Variants in FHIT observed in about 807,000 individuals in gnomAD.
The protein encoded by FHIT is fragile histidine triad diadenosine triphosphatase.
Under a neutral mutation model 17.9 loss-of-function variants are expected in FHIT, and 19 were observed. That is an observed-to-expected ratio of 1.06 (90% CI 0.74 to 1.56). The LOEUF (loss-of-function observed/expected upper bound fraction) is 1.56. Ranked by LOEUF, FHIT falls within the 40% of genes most tolerant of loss-of-function variation. The pLI, the probability that FHIT is intolerant of heterozygous loss-of-function variation, is 0.00. For missense variants in FHIT, 248 were observed against 189.2 expected (o/e 1.31, Z -1.82); for synonymous variants, 81 against 69.7 (o/e 1.16, Z -0.81).
intron 5 of FHIT, among the ~76,000 whole-genome samples, chr3:60,333,572 T>C (rs1026786860): frequency 3.3e-5 from 5 of 151,914 alleles, no homozygotes; most frequent in African/African-American, 1.2e-4. Context: ...AAAGAAAAAA[T>C]ATAATTAAGA....
At chr3:60,903,915 G>A (rs1235059563) in intron 3 of FHIT, among the ~76,000 whole-genome samples, 2 of 152,150 alleles carry the variant, frequency 1.3e-5, no homozygotes, top group Non-Finnish European at 2.9e-5. Flanking sequence ...ATCAAGAAAG[G>A]AGACTCCACA....
At chr3:61,162,828 T>G (rs2037735888) in intron 2 of FHIT, among the ~76,000 whole-genome samples, 1 of 152,230 alleles carries the variant, frequency 6.6e-6, no homozygotes, top group Non-Finnish European at 1.5e-5. Flanking sequence ...AAACCAGTTT[T>G]GCCCTCCATT....
intron 4 of FHIT, among the ~76,000 whole-genome samples, chr3:60,562,337 G>C (rs901598952): frequency 6.6e-6 from 1 of 152,148 alleles, no homozygotes; most frequent in Non-Finnish European, 1.5e-5. Flanking sequence ...AGTTAGGAGA[G>C]CTGGAAAAAC....
At chr3:60,420,704 T>C (rs1344821975) in intron 5 of FHIT, among the ~76,000 whole-genome samples, 1 of 152,156 alleles carries the variant, frequency 6.6e-6, no homozygotes, top group East Asian at 1.9e-4. Context: ...TTCATGTGGT[T>C]CACTTTCAAA....
intron 2 of FHIT, among the ~76,000 whole-genome samples, chr3:61,200,113 G>C (rs2038969251): frequency 6.6e-6 from 1 of 152,172 alleles, no homozygotes; most frequent in Non-Finnish European, 1.5e-5. Context: ...CAGAGTGACT[G>C]GGTGGAATGA....
intron 4 of FHIT, among the ~76,000 whole-genome samples, chr3:60,793,040 A>G (rs1468264614): frequency 1.3e-5 from 2 of 152,156 alleles, no homozygotes; most frequent in Non-Finnish European, 2.9e-5. Context: ...GTCAGGTTTT[A>G]AAAAAGATTC....
intron 4 of FHIT, among the ~76,000 whole-genome samples, chr3:60,744,811 A>G (rs1216875776): frequency 1.3e-5 from 2 of 152,226 alleles, no homozygotes; most frequent in Non-Finnish European, 2.9e-5. Context: ...GGTAAGGCCC[A>G]TCTTCTGATT....
intron 5 of FHIT, among the ~76,000 whole-genome samples, chr3:60,442,229 G>A (rs1221030536): frequency 6.6e-6 from 1 of 151,910 alleles, no homozygotes; most frequent in Non-Finnish European, 1.5e-5. Context: ...ATGCCTAATT[G>A]TTTTGCCACA....
chr3:60,191,614 G>A (rs1702407592), intron 5 of FHIT, among the ~76,000 whole-genome samples: 1 of 152,106 alleles, frequency 6.6e-6, no homozygotes. Context: ...TTTTTTATAT[G>A]ACATTGCAAA....
intron 5 of FHIT, among the ~76,000 whole-genome samples, chr3:60,021,900 C>T (rs1446447276): frequency 6.6e-6 from 1 of 152,128 alleles, no homozygotes; most frequent in African/African-American, 2.4e-5. Context: ...AGAAAAAAAA[C>T]TGTGCGGTCA....
At chr3:60,865,770 CAA>C (rs1704132407) in intron 3 of FHIT, among the ~76,000 whole-genome samples, 1 of 152,048 alleles carries the variant, frequency 6.6e-6, no homozygotes, top group African/African-American at 2.4e-5. Context: ...AAGGCTGAAG[CAA>C]AGAGAGGGCA....
At chr3:60,265,930 G>A (rs1367479516) in intron 5 of FHIT, among the ~76,000 whole-genome samples, 3 of 151,644 alleles carry the variant, frequency 2.0e-5, no homozygotes, top group African/African-American at 4.8e-5. Flanking sequence ...AATAATGATG[G>A]GGAAAAATCA....
chr3:59,972,348 T>C (rs977246065), intron 7 of FHIT, among the ~76,000 whole-genome samples: 3 of 152,104 alleles, frequency 2.0e-5, no homozygotes, highest in African/African-American at 4.8e-5. Flanking sequence ...GTGTCTCTCA[T>C]GAAGAACTGG....
intron 5 of FHIT, among the ~76,000 whole-genome samples, chr3:60,105,396 A>G (rs1317086133): frequency 1.3e-5 from 2 of 152,222 alleles, no homozygotes; most frequent in Non-Finnish European, 2.9e-5. Context: ...ATGCCAACAA[A>G]GAACAGAATG....
intron 5 of FHIT, among the ~76,000 whole-genome samples, chr3:60,066,410 AT>A (rs1269594186): frequency 6.6e-6 from 1 of 152,080 alleles, no homozygotes; most frequent in East Asian, 1.9e-4. Flanking sequence ...TGTTCTGCTA[AT>A]TAGAGCACTT....
At chr3:60,821,888 T>G (rs1193819237) in intron 4 of FHIT, 31 bp downstream of exon 4, 1 of 151,852 alleles carries the variant, frequency 6.6e-6, no homozygotes, top group Admixed American at 6.6e-5. Context: ...TCAAACTCTT[T>G]GAAAAAAAAA....
intron 3 of FHIT, among the ~76,000 whole-genome samples, chr3:60,827,276 A>C (rs1281730059): frequency 2.0e-5 from 3 of 152,174 alleles, no homozygotes; most frequent in Admixed American, 2.0e-4. Flanking sequence ...CAAACCTTCA[A>C]AGAAAAATCT....
chr3:60,951,937 G>T lies in FHIT; in HGVS notation c.-111+90110C>A, dbSNP rs142167563. Among the ~76,000 whole-genome samples the T allele has an allele frequency of 1.2e-3, 177 of 152,228 alleles. 1 individual carries two copies. The East Asian group carries it at 0.032, about 27-fold the overall frequency. ...TCCCAGCACTTTGGGAGGCCAAGGCGAGTGGATCACCTGAGGTCAGGAGTT... is the reference window on the plus strand; with the variant it reads ...TCCCAGCACTTTGGGAGGCCAAGGCTAGTGGATCACCTGAGGTCAGGAGTT... On this transcript the variant is annotated intron_variant, in intron 3 of 9. Transcript: ENST00000492590.
chr3:60,992,999 C>T (rs115320396), intron 3 of FHIT, among the ~76,000 whole-genome samples: 5,923 of 152,224 alleles, frequency 0.039, 171 homozygotes, highest in Middle Eastern at 0.071. Flanking sequence ...TAAGTCCCAT[C>T]GCGTGGCATT....
Sources: gnomAD v4.1 joint callset for allele counts (sites outside exome capture counted in the v4.1 genomes callset) on GRCh38, gnomAD v4.1.1 for gene constraint, MANE v1.5 for transcripts, NCBI Gene and HGNC (gene_info 2026-07-23, HGNC 2026-07-21) for gene names.